Variants in COL15A1 observed in about 807,000 individuals in gnomAD.
COL15A1 encodes the protein collagen type XV alpha 1 chain.
COL15A1 carries 111 observed loss-of-function variants against 165.9 expected under a neutral mutation model. The ratio of observed to expected loss-of-function variants is 0.67; its 90% CI spans 0.57 to 0.78. COL15A1 has a LOEUF of 0.78. COL15A1 is among the 30% of genes least tolerant of loss of function. The probability of loss-of-function intolerance (pLI) is 0.00; values close to 1 mark genes in which losing one functional copy is unlikely to be tolerated. For missense variants in COL15A1, 1,745 were observed against 1,789.7 expected, an observed-to-expected ratio of 0.98 and a Z score of 0.45; for synonymous variants, 659 against 674.8, an observed-to-expected ratio of 0.98 and a Z score of 0.36.
At chr9:99,051,991 G>C (rs569404310) in intron 30 of COL15A1, among the ~76,000 whole-genome samples, 1 of 152,216 alleles carries the variant, frequency 6.6e-6, no homozygotes, top group Non-Finnish European at 1.5e-5. Context: ...TTTCACGGTT[G>C]GGCATGTCAC....
At chr9:98,959,823 C>T (rs1406425786) in intron 2 of COL15A1, among the ~76,000 whole-genome samples, 1 of 152,194 alleles carries the variant, frequency 6.6e-6, no homozygotes, top group Non-Finnish European at 1.5e-5. Flanking sequence ...GTCACATCCC[C>T]TGTCAAAACG....
At chr9:98,962,327 C>T (rs947539436) in intron 2 of COL15A1, among the ~76,000 whole-genome samples, 35 of 152,252 alleles carry the variant, frequency 2.3e-4, no homozygotes, top group African/African-American at 7.7e-4. Context: ...GGATGCATTA[C>T]GCCTCTCCTG....
intron 2 of COL15A1, among the ~76,000 whole-genome samples, chr9:98,957,475 C>T (rs1190381605): frequency 1.3e-5 from 2 of 152,178 alleles, no homozygotes; most frequent in Non-Finnish European, 2.9e-5. Context: ...GTTATAGCAG[C>T]ATTGGAAGAT....
intron 23 of COL15A1, chr9:99,041,130 G>A (rs1396077973): frequency 6.5e-6 from 1 of 153,518 alleles, no homozygotes; most frequent in East Asian, 1.9e-4. Flanking sequence ...GGAGTAAGGA[G>A]GGGGCCAAAT....
At chr9:99,013,853 T>G (rs1359297740) in intron 9 of COL15A1, among the ~76,000 whole-genome samples, 1 of 152,166 alleles carries the variant, frequency 6.6e-6, no homozygotes, top group Non-Finnish European at 1.5e-5. Context: ...GGAAGCCTCC[T>G]CTAGGTTTTT....
At chr9:99,025,730 A>G (rs1294377427) in intron 15 of COL15A1, among the ~76,000 whole-genome samples, 174 bp from the exon 16 acceptor site, 2 of 152,234 alleles carry the variant, frequency 1.3e-5, no homozygotes, top group African/African-American at 2.4e-5. Flanking sequence ...ACAGGTGCAC[A>G]GTCAGCAGTG....
chr9:99,046,620 G>A (rs1480452885), intron 26 of COL15A1, among the ~76,000 whole-genome samples: 1 of 152,190 alleles, frequency 6.6e-6, no homozygotes, highest in Non-Finnish European at 1.5e-5. Context: ...TGCCAGCAGG[G>A]GAAATGCCAG....
chr9:99,048,288 G>A (rs928346162), intron 28 of COL15A1, among the ~76,000 whole-genome samples: 3 of 152,082 alleles, frequency 2.0e-5, no homozygotes, highest in African/African-American at 7.3e-5. Context: ...CAAATCCCAG[G>A]GCCTCTAACT....
rs200341690 is a variant in COL15A1 at position 99,017,138 on chromosome 9, C to CA, written c.1647+1020dup. On this transcript the variant is annotated intron_variant, in intron 11 of 41. Transcript: ENST00000375001. The stretch of plus-strand genomic sequence containing the variant: ...ACCTCACTCCTGTCCGCAACAAATT[C>CA]ACAATCAAGCGGCAGGAAGTAAGCC... Among the ~76,000 whole-genome samples the CA allele has an allele frequency of 7.9e-3, 1,202 of 152,354 alleles. 7 individuals are homozygous for CA. Among genetic ancestry groups the CA allele is most frequent in the Middle Eastern group, 0.014 (4 of 294 alleles).
rs186451489 is a variant in COL15A1, at chr9:98,947,707, G to T, written c.100+3457G>T. Among the ~76,000 whole-genome samples, 590 of 152,266 alleles carry T rather than the reference G, an allele frequency of 3.9e-3. 2 individuals carry two copies. Among genetic ancestry groups the T allele is most frequent in the African/African-American group, 0.014 (569 of 41,520 alleles). The stretch of plus-strand genomic sequence containing the variant: ...TCTCAGAAAATGGGTCCAGAGTTCT[G>T]CCTGCACCTCCAGGTCTCTGGATCG... On this transcript the variant is annotated intron_variant, in intron 2 of 41. Transcript: ENST00000375001.
rs777409138 is a variant in COL15A1, at chr9:99,062,273, A to G, written c.3560A>G (p.Asp1187Gly). Residue 1187 changes from aspartate to glycine, a missense_variant, in exon 38 of 42, where the codon GAC (aspartate) becomes GGC (glycine). Physicochemically the swap from Asp to Gly is moderately conservative, Grantham distance 94. Coordinates refer to ENST00000375001, the MANE Select transcript of COL15A1 (RefSeq NM_001855.5). ...QLGELIPIPADSPPPPALSSN... is the reference protein window; with the variant it reads ...QLGELIPIPAGSPPPPALSSN... ...GGAGAACTGATCCCCATTCCTGCCG[A>G]CAGCCCTCCACCCCCTGCGCTTTCC... 6 of 1,613,832 alleles carry G rather than the reference A, an allele frequency of 3.7e-6. No homozygotes were observed. The highest frequency in any genetic ancestry group is 1.6e-4 in the Middle Eastern group (1 of 6,062).
At chr9:98,947,452 ACT>A (rs1240395620) in intron 2 of COL15A1, among the ~76,000 whole-genome samples, 1 of 152,132 alleles carries the variant, frequency 6.6e-6, no homozygotes, top group African/African-American at 2.4e-5. Flanking sequence ...TAGTTGTGCA[ACT>A]CTATAAATTT....
At chr9:99,029,519 C>T (rs1177698237) in intron 16 of COL15A1, among the ~76,000 whole-genome samples, 1 of 152,228 alleles carries the variant, frequency 6.6e-6, no homozygotes, top group African/African-American at 2.4e-5. Context: ...TTTAGACCTT[C>T]TAACAACATG....
chr9:99,017,089 C>T (rs1488515754), intron 11 of COL15A1, among the ~76,000 whole-genome samples: 1 of 152,232 alleles, frequency 6.6e-6, no homozygotes, highest in Non-Finnish European at 1.5e-5. Context: ...TCAGTCAGGA[C>T]ACTTGTAGAT....
rs1838304839 is a variant in COL15A1, at chr9:98,985,943, G to A, written c.479G>A (p.Arg160Lys). The A allele has an allele frequency of 6.2e-7, 1 of 1,613,914 alleles. No individual in the cohort carries two copies. Among genetic ancestry groups the A allele is most frequent in the Non-Finnish European group, 8.5e-7 (1 of 1,180,038 alleles). ...AAFSVPVMTH[R>K]WNRFAMIVQG... Reference sequence around the variant, plus strand: ...TTCTCGGTGCCTGTGATGACCCACAGGTGGAACCGCTTCGCCATGATTGTC... The same window carrying A: ...TTCTCGGTGCCTGTGATGACCCACAAGTGGAACCGCTTCGCCATGATTGTC... The change falls in exon 3 of 42, where the codon AGG (arginine) becomes AAG (lysine). Residue 160 changes from arginine to lysine, a missense_variant. Arg to Lys is a conservative substitution (Grantham distance 26). Transcript: ENST00000375001.
chr9:99,000,814 A>G, intron 6 of COL15A1, 25 bp from the exon 7 acceptor site: 1 of 1,078,836 alleles, frequency 9.3e-7, no homozygotes, highest in Non-Finnish European at 1.4e-6. Context: ...GTAGTTATTG[A>G]TAGCAGAATG....
chr9:98,999,005 G>C (rs1386100312), intron 6 of COL15A1, among the ~76,000 whole-genome samples: 1 of 152,206 alleles, frequency 6.6e-6, no homozygotes, highest in Non-Finnish European at 1.5e-5. Flanking sequence ...CCAGGGGTCA[G>C]TCCTTGGAGG....
intron 31 of COL15A1, 54 bp downstream of exon 31, chr9:99,052,487 A>G: frequency 1.4e-6 from 2 of 1,447,522 alleles, no homozygotes; most frequent in Middle Eastern, 1.7e-4. Flanking sequence ...CTTGAGGAAG[A>G]TGGTTTTCCT....
chr9:99,034,620 T>G, intron 17 of COL15A1, 36 bp downstream of exon 17: 9 of 1,338,396 alleles, frequency 6.7e-6, no homozygotes, highest in Non-Finnish European at 8.6e-6. Flanking sequence ...AAAAAGAACT[T>G]TCTTCTCCCT....
Sources: allele counts gnomAD v4.1 joint callset (sites outside exome capture counted in the v4.1 genomes callset), GRCh38; gene constraint gnomAD v4.1.1; transcripts MANE v1.5; gene names NCBI Gene and HGNC (gene_info 2026-07-23, HGNC 2026-07-21).